The following B3GALNT2 variants were observed in gnomAD, a reference collection of about 807,000 sequenced individuals.
The protein encoded by B3GALNT2 is beta-1,3-N-acetylgalactosaminyltransferase 2, also known as UDP-GalNAc:beta-1,3-N-acetylgalactosaminyltransferase 2.
Under a neutral mutation model 61.1 loss-of-function variants are expected in B3GALNT2, and 53 were observed. The observed-to-expected ratio is 0.87, with a 90% CI of 0.70 to 1.09. The LOEUF (loss-of-function observed/expected upper bound fraction) is 1.09, where lower values mean the gene tolerates loss of function less well. B3GALNT2 is among the 50% of genes least tolerant of loss of function. The pLI, the probability that B3GALNT2 is intolerant of heterozygous loss-of-function variation, is 0.00. For missense variants in B3GALNT2, 544 were observed against 623.0 expected (o/e 0.87, Z 1.35); for synonymous variants, 223 against 237.4 (o/e 0.94, Z 0.56).
intron 4 of B3GALNT2, among the ~76,000 whole-genome samples, chr1:235,482,538 T>A (rs1684607648): frequency 6.6e-6 from 1 of 151,940 alleles, no homozygotes; most frequent in South Asian, 2.1e-4. Context: ...AATAGAGATT[T>A]TAGCTGTTTC....
downstream of B3GALNT2, among the ~76,000 whole-genome samples, chr1:235,444,724 T>A (rs562473856): frequency 6.6e-6 from 1 of 152,346 alleles, no homozygotes; most frequent in African/African-American, 2.4e-5. Flanking sequence ...TTTCTGTGAA[T>A]GTTTTTGGCC....
At position 235,448,910 on chromosome 1, in the gene B3GALNT2, G is replaced by A; in HGVS notation, c.*1296C>T. The A allele has an allele frequency of 1.5e-6, 1 of 678,780 alleles. No individual in the cohort carries two copies. Among genetic ancestry groups the A allele is most frequent in the South Asian group, 1.5e-5 (1 of 64,582 alleles). The allele number at this position is 678,780 out of a possible 1,614,324, so 42.0% of individuals were successfully genotyped here. On this transcript the variant is annotated 3_prime_UTR_variant, in exon 12 of 12. Coordinates refer to ENST00000366600, the MANE Select transcript of B3GALNT2 (RefSeq NM_152490.5). ...TAACAAGGGATGTATTTTTTGTTGG[G>A]AAGTGACCATTTCTAGGCTTATACA...
At chr1:235,478,672 CAG>C (rs912679787) in intron 5 of B3GALNT2, among the ~76,000 whole-genome samples, 2 of 151,724 alleles carry the variant, frequency 1.3e-5, no homozygotes, top group African/African-American at 4.9e-5. Flanking sequence ...CACCCAAATA[CAG>C]AGTTAAATGA....
chr1:235,471,955 G>A (rs1183569302), intron 5 of B3GALNT2, among the ~76,000 whole-genome samples: 2 of 150,724 alleles, frequency 1.3e-5, no homozygotes, highest in South Asian at 2.1e-4. Context: ...GAGCCACGGC[G>A]CCCTGCCTGA....
At chr1:235,499,589 G>T (rs1470729168) in intron 1 of B3GALNT2, among the ~76,000 whole-genome samples, 2 of 152,170 alleles carry the variant, frequency 1.3e-5, no homozygotes, top group East Asian at 3.8e-4. Context: ...CCCTCTGAAG[G>T]TTCGGTGAAA....
chr1:235,443,548 T>C (rs532239820), downstream of B3GALNT2, among the ~76,000 whole-genome samples: 38 of 152,306 alleles, frequency 2.5e-4, no homozygotes, highest in Non-Finnish European at 4.1e-4. Context: ...TTGAATGGCA[T>C]AGCCTTTTGG....
chr1:235,460,031 G>C (rs936609847), intron 7 of B3GALNT2, among the ~76,000 whole-genome samples: 3 of 151,986 alleles, frequency 2.0e-5, no homozygotes, highest in Non-Finnish European at 4.4e-5. Context: ...GACCTCAAAT[G>C]ATCCACCTGC....
rs142867446 is a variant in B3GALNT2, at chr1:235,452,857, A to G, written c.1368+233T>C. ...GCATGTGCCACTATGCCCAGCCCAA[A>G]ACTTTTTGAGAGCCAACATGACACT... is the stretch of plus-strand genomic sequence containing the variant. On this transcript the variant is annotated intron_variant, in intron 11 of 11. Transcript: ENST00000366600. Among the ~76,000 whole-genome samples the G allele has an allele frequency of 8.1e-4, 123 of 152,330 alleles. 1 individual carries two copies. The East Asian group carries it at 0.021, about 26-fold the overall frequency.
chr1:235,448,148 C>T lies in B3GALNT2; in HGVS notation c.*2058G>A, dbSNP rs141397768. Among the ~76,000 whole-genome samples, 19 of 146,434 alleles carry T rather than the reference C, an allele frequency of 1.3e-4. No homozygotes were observed. The highest frequency in any genetic ancestry group is 1.0e-3 in the East Asian group (5 of 5,024). ...CCGGGAAGCGGAGGTTGCAGTGAGC[C>T]GAGATTACACCATTGCACTCCAGCC... On this transcript the variant is annotated 3_prime_UTR_variant, in exon 12 of 12. Transcript: ENST00000366600.
At chr1:235,472,475 C>T (rs1448135487) in intron 5 of B3GALNT2, among the ~76,000 whole-genome samples, 1 of 152,108 alleles carries the variant, frequency 6.6e-6, no homozygotes, top group African/African-American at 2.4e-5. Flanking sequence ...CAACTTCTAT[C>T]ACATCAACCT....
At position 235,450,260 on chromosome 1, in the gene B3GALNT2, T is replaced by C; in HGVS notation, c.1449A>G (p.Glu483=). 2 of 1,614,144 alleles carry C rather than the reference T, an allele frequency of 1.2e-6. No homozygotes were observed. The highest frequency in any genetic ancestry group is 1.7e-6 in the Non-Finnish European group (2 of 1,179,948). The part of the protein sequence containing the change: ...SPQYSPWELT[E]LWKLKERCGD... Reference sequence around the variant, plus strand: ...CGCACCGTTCCTTCAGTTTCCACAGTTCCGTCAGTTCCCACGGAGAATACT... The same window carrying C: ...CGCACCGTTCCTTCAGTTTCCACAGCTCCGTCAGTTCCCACGGAGAATACT... Residue 483 remains glutamate, a synonymous_variant, in exon 12 of 12, where the codon GAA becomes GAG. Coordinates refer to ENST00000366600, the MANE Select transcript of B3GALNT2 (RefSeq NM_152490.5).
In B3GALNT2 at chr1:235,470,977, A is replaced by G; in HGVS notation, c.652-17T>C. The stretch of plus-strand genomic sequence containing the variant: ...TTCAAAGCTCTTTTGTAGAAAGATG[A>G]ATAGTGAGTCAATTTCCTTATTGCT... On this transcript the variant is annotated splice_polypyrimidine_tract_variant and intron_variant, in intron 5 of 11. Transcript: ENST00000366600. The G allele has an allele frequency of 1.2e-6, 2 of 1,612,236 alleles. No individual in the cohort carries two copies. The highest frequency in any genetic ancestry group is 8.5e-7 in the Non-Finnish European group (1 of 1,179,164).
chr1:235,494,456 C>CTT (rs34730227), intron 2 of B3GALNT2, among the ~76,000 whole-genome samples: 148 of 147,930 alleles, frequency 1.0e-3, no homozygotes, highest in Non-Finnish European at 1.7e-3. Flanking sequence ...TTTTTCAGAA[C>CTT]TTTTTTTTTT....
intron 2 of B3GALNT2, among the ~76,000 whole-genome samples, chr1:235,490,800 T>C (rs1685026643): frequency 6.6e-6 from 1 of 152,032 alleles, no homozygotes; most frequent in Non-Finnish European, 1.5e-5. Flanking sequence ...ACTATTATGT[T>C]CTTGAGATCA....
At chr1:235,465,079 G>C (rs1229872795) in intron 7 of B3GALNT2, 1 of 152,224 alleles carries the variant, frequency 6.6e-6, no homozygotes, top group Non-Finnish European at 1.5e-5. Context: ...AGACATTTAA[G>C]AGAAATGGAA....
chr1:235,481,283 G>A (rs969835549), intron 4 of B3GALNT2, among the ~76,000 whole-genome samples: 6 of 152,112 alleles, frequency 3.9e-5, no homozygotes, highest in East Asian at 1.9e-4. Flanking sequence ...AAGTTATATC[G>A]ACATGATCAA....
At chr1:235,457,708 G>A (rs191326787) in intron 8 of B3GALNT2, among the ~76,000 whole-genome samples, 2 of 152,110 alleles carry the variant, frequency 1.3e-5, no homozygotes, top group South Asian at 2.1e-4. Context: ...AGTAGAGACT[G>A]GAAGTATAAG....
At chr1:235,442,110 G>A in the B3GALNT2 span, among the ~76,000 whole-genome samples, 1 of 151,454 alleles carries the variant, frequency 6.6e-6, no homozygotes, top group Admixed American at 6.6e-5. Flanking sequence ...CAGGTTCTAA[G>A]CGATTCTCCT....
At chr1:235,491,623 A>C (rs953371826) in intron 2 of B3GALNT2, among the ~76,000 whole-genome samples, 3 of 152,062 alleles carry the variant, frequency 2.0e-5, no homozygotes, top group Admixed American at 2.0e-4. Flanking sequence ...GAACACTAGC[A>C]ATCTTCCTAG....
Sources: allele counts gnomAD v4.1 joint callset (sites outside exome capture counted in the v4.1 genomes callset), GRCh38; gene constraint gnomAD v4.1.1; transcripts MANE v1.5; gene names NCBI Gene and HGNC (gene_info 2026-07-23, HGNC 2026-07-21).